Variants in CLSTN2 observed in about 807,000 individuals in gnomAD.
CLSTN2 encodes the protein calsyntenin 2.
In CLSTN2, 48 loss-of-function variants were observed where a neutral mutation model predicts 101.2. The ratio of observed to expected loss-of-function variants is 0.47; its 90% confidence interval spans 0.38 to 0.60. The LOEUF is 0.60. Ranked by LOEUF, CLSTN2 falls within the 20% of genes least tolerant of loss-of-function variation. CLSTN2 has a pLI of 0.00. For missense variants in CLSTN2, 1,160 were observed against 1,238.2 expected (o/e 0.94, Z 0.95); for synonymous variants, 481 against 463.6 (o/e 1.04, Z -0.48).
intron 2 of CLSTN2, among the ~76,000 whole-genome samples, chr3:140,371,110 T>G (rs1220380372): frequency 6.6e-6 from 1 of 152,172 alleles, no homozygotes; most frequent in African/African-American, 2.4e-5. Context: ...AGAGGCAATG[T>G]GTTTCACAGG....
chr3:140,057,653 C>T (rs1186845724), intron 1 of CLSTN2, among the ~76,000 whole-genome samples: 2 of 152,126 alleles, frequency 1.3e-5, no homozygotes, highest in Non-Finnish European at 2.9e-5. Flanking sequence ...ATAGTTCTCT[C>T]TTTAACAACC....
rs903513683 is a variant in CLSTN2, at chr3:140,573,109, T to C, written c.*6856T>C. On this transcript the variant is annotated 3_prime_UTR_variant, in exon 17 of 17. Coordinates refer to ENST00000458420, the MANE Select transcript of CLSTN2 (RefSeq NM_022131.3). ...AGCTGAGCAGCCTCTTCGAGGGCCATATTTTGTGGAGAAACACTGAAACTG... is the reference window on the plus strand; with the variant it reads ...AGCTGAGCAGCCTCTTCGAGGGCCACATTTTGTGGAGAAACACTGAAACTG... The C allele has an allele frequency of 6.6e-6, 1 of 152,186 alleles. No individual in the cohort carries two copies. Among genetic ancestry groups the C allele is most frequent in the Non-Finnish European group, 1.5e-5 (1 of 68,038 alleles). 9.4% of individuals were successfully genotyped at this position (152,186 alleles called of 1,614,324 possible). A position where few individuals can be genotyped will look rare whatever the true frequency, so the allele number is the denominator to read the frequency against.
intron 8 of CLSTN2, among the ~76,000 whole-genome samples, chr3:140,477,460 C>T (rs546930457): frequency 1.7e-4 from 26 of 152,160 alleles, no homozygotes; most frequent in Non-Finnish European, 2.9e-4. Flanking sequence ...GAATAGGAAA[C>T]GTTAACCAGA....
At chr3:140,427,745 A>G (rs1042886222) in intron 5 of CLSTN2, among the ~76,000 whole-genome samples, 2 of 151,568 alleles carry the variant, frequency 1.3e-5, no homozygotes, top group African/African-American at 2.4e-5. Flanking sequence ...AGCTTTCTCT[A>G]TTTTCTTTTT....
chr3:139,971,410 C>T (rs1480431121), intron 1 of CLSTN2, among the ~76,000 whole-genome samples: 4 of 152,176 alleles, frequency 2.6e-5, no homozygotes, highest in Admixed American at 2.6e-4. Flanking sequence ...GAGTGTTCCT[C>T]GGTGCCAGGC....
At chr3:140,490,511 T>A (rs972720087) in intron 8 of CLSTN2, among the ~76,000 whole-genome samples, 1 of 149,654 alleles carries the variant, frequency 6.7e-6, no homozygotes, top group African/African-American at 2.5e-5. Flanking sequence ...CCTGGACCAC[T>A]TCAAAATGTG....
At chr3:140,305,557 A>G (rs753104684) in intron 2 of CLSTN2, among the ~76,000 whole-genome samples, 9 of 152,128 alleles carry the variant, frequency 5.9e-5, no homozygotes, top group Non-Finnish European at 1.3e-4. Flanking sequence ...CTCACCAGGG[A>G]CTTTGGTACC....
Position 140,437,449 on chromosome 3 carries a change from A to C in CLSTN2, c.788-11070A>C, listed in dbSNP as rs144331312. 2.4e-4 allele frequency among the ~76,000 whole-genome samples: 37 copies of C among 152,336 alleles called. No individual in the cohort carries two copies. In the East Asian group the frequency reaches 6.2e-3, roughly 25 times the overall value. Reference sequence around the variant, plus strand: ...TTTCTCAGGCTCTAGATCCAGAAGAAAATATTATAATAACAGTATGTCATC... The same window carrying C: ...TTTCTCAGGCTCTAGATCCAGAAGACAATATTATAATAACAGTATGTCATC... On this transcript the variant is annotated intron_variant, in intron 5 of 16. Coordinates refer to ENST00000458420, the MANE Select transcript of CLSTN2 (RefSeq NM_022131.3).
At chr3:140,427,234 TATATATATATAC>T (rs2088581305) in intron 5 of CLSTN2, among the ~76,000 whole-genome samples, 3 of 124,412 alleles carry the variant, frequency 2.4e-5, no homozygotes, top group East Asian at 2.3e-4. Context: ...TGTGTGTATA[TATATATATATAC>T]ATATATATAT....
intron 1 of CLSTN2, among the ~76,000 whole-genome samples, chr3:140,028,462 G>A (rs2007469163): frequency 6.6e-6 from 1 of 152,174 alleles, no homozygotes; most frequent in Non-Finnish European, 1.5e-5. Context: ...CAGATGGAGG[G>A]TGAAAGATGC....
At chr3:140,497,100 CAAAA>C (rs57659394) in intron 8 of CLSTN2, among the ~76,000 whole-genome samples, 3 of 87,978 alleles carry the variant, frequency 3.4e-5, no homozygotes, top group Admixed American at 1.1e-4. Context: ...GACTCCGTCT[CAAAA>C]AAAAAAAAAA....
intron 2 of CLSTN2, among the ~76,000 whole-genome samples, chr3:140,263,054 A>G (rs558602916): frequency 6.6e-6 from 1 of 151,642 alleles, no homozygotes; most frequent in African/African-American, 2.4e-5. Context: ...TCCCCCCCAA[A>G]AAAACCCCCA....
At chr3:140,118,545 C>CA (rs1322310401) in intron 1 of CLSTN2, among the ~76,000 whole-genome samples, 1 of 151,192 alleles carries the variant, frequency 6.6e-6, no homozygotes, top group Non-Finnish European at 1.5e-5. Context: ...TTACAAGGGG[C>CA]AAAAATGGGC....
At chr3:139,967,034 A>T (rs1045217328) in intron 1 of CLSTN2, among the ~76,000 whole-genome samples, 7 of 152,282 alleles carry the variant, frequency 4.6e-5, no homozygotes, top group African/African-American at 1.4e-4. Flanking sequence ...GGTGGAGGAA[A>T]CTTGCAACTT....
intron 8 of CLSTN2, among the ~76,000 whole-genome samples, chr3:140,479,687 T>C (rs1006287301): frequency 2.6e-5 from 4 of 152,068 alleles, no homozygotes; most frequent in Non-Finnish European, 5.9e-5. Flanking sequence ...AAAAATACAA[T>C]ATCTAAAGTG....
chr3:140,286,892 A>G (rs146067199), intron 2 of CLSTN2, among the ~76,000 whole-genome samples: 1,653 of 152,306 alleles, frequency 0.011, 15 homozygotes, highest in Middle Eastern at 0.031. Context: ...GTTTCAGGAC[A>G]TGAACAGAAG....
chr3:140,453,767 G>C (rs1028121172), intron 6 of CLSTN2, among the ~76,000 whole-genome samples: 5 of 152,046 alleles, frequency 3.3e-5, no homozygotes, highest in Admixed American at 2.6e-4. Flanking sequence ...ATTGTTTAAC[G>C]TAAAAAAATT....
chr3:140,023,468 G>A (rs185228266), intron 1 of CLSTN2, among the ~76,000 whole-genome samples: 24 of 152,316 alleles, frequency 1.6e-4, no homozygotes, highest in African/African-American at 5.8e-4. Flanking sequence ...AGGACTGACA[G>A]ACACACACAT....
chr3:140,022,050 C>T (rs2007329562), intron 1 of CLSTN2, among the ~76,000 whole-genome samples: 1 of 152,174 alleles, frequency 6.6e-6, no homozygotes, highest in Admixed American at 6.5e-5. Flanking sequence ...AAAATGGAAG[C>T]TTATGCTACG....
Sources: gnomAD v4.1 joint callset for allele counts (sites outside exome capture counted in the v4.1 genomes callset) on GRCh38, gnomAD v4.1.1 for gene constraint, MANE v1.5 for transcripts, NCBI Gene and HGNC (gene_info 2026-07-23, HGNC 2026-07-21) for gene names.